CEP85L: variants seen among roughly 807,000 people sequenced by gnomAD.
CEP85L encodes the protein centrosomal protein 85L.
In CEP85L, 60 loss-of-function variants were observed where a neutral mutation model predicts 100.3. The observed-to-expected ratio is 0.60, with a 90% CI of 0.49 to 0.74. The LOEUF (loss-of-function observed/expected upper bound fraction) is 0.74. Ranked by LOEUF, CEP85L falls within the 30% of genes least tolerant of loss-of-function variation. The probability of loss-of-function intolerance (pLI) is 0.00; values close to 1 mark genes in which losing one functional copy is unlikely to be tolerated. For synonymous variants in CEP85L, 319 were observed against 322.7 expected (o/e 0.99, Z 0.12); for missense variants, 973 against 936.2 (o/e 1.04, Z -0.51).
intron 3 of CEP85L, among the ~76,000 whole-genome samples, chr6:118,564,381 G>C (rs1415571262): frequency 6.6e-6 from 1 of 152,110 alleles, no homozygotes; most frequent in Non-Finnish European, 1.5e-5. Context: ...ACTAAAACTT[G>C]ACAGTATTTG....
In CEP85L at chr6:118,463,888, T is replaced by A. The variant is rs1236268639; in HGVS notation, c.*1517A>T. The A allele has an allele frequency of 1.3e-5, 2 of 152,202 alleles. No homozygotes were observed. The highest frequency in any genetic ancestry group is 4.8e-5 in the African/African-American group (2 of 41,474). The allele number at this position is 152,202 out of a possible 1,614,324, so 9.4% of individuals were successfully genotyped here. ...AAGGCCTTGTCTCACATTTTCACTT[T>A]TAAATATTTAAGAAAAATCTTTCCT... On this transcript the variant is annotated 3_prime_UTR_variant, in exon 13 of 13. Transcript: ENST00000368491.
chr6:118,597,618 A>G (rs975728561), intron 2 of CEP85L, among the ~76,000 whole-genome samples: 2 of 152,242 alleles, frequency 1.3e-5, no homozygotes, highest in Admixed American at 1.3e-4. Flanking sequence ...CTGCTAACTA[A>G]ATTAGTTTTA....
At chr6:118,481,655 G>A (rs1165669583) in intron 8 of CEP85L, 124 bp downstream of exon 8, 3 of 535,394 alleles carry the variant, frequency 5.6e-6, no homozygotes, top group South Asian at 7.3e-5. Flanking sequence ...GATAAGGGAT[G>A]AGCATCCTGT....
chr6:118,589,363 G>C (rs1419216774), intron 2 of CEP85L: 1 of 244,486 alleles, frequency 4.1e-6, no homozygotes, highest in Non-Finnish European at 9.1e-6. Context: ...AATATCCTCA[G>C]ATGGCTTTCG....
intron 3 of CEP85L, among the ~76,000 whole-genome samples, chr6:118,542,567 G>A (rs552182410): frequency 3.0e-4 from 44 of 147,300 alleles, no homozygotes; most frequent in Middle Eastern, 3.5e-3. Flanking sequence ...ATTTATTTAC[G>A]AGAAAACTAC....
intron 2 of CEP85L, among the ~76,000 whole-genome samples, chr6:118,611,054 TA>T (rs1221045285): frequency 6.6e-6 from 1 of 151,582 alleles, no homozygotes; most frequent in African/African-American, 2.4e-5. Flanking sequence ...AAGGAAGCAA[TA>T]AAAAAAGAAA....
At chr6:118,501,835 C>A in intron 5 of CEP85L, 2 of 1,289,056 alleles carry the variant, frequency 1.6e-6, no homozygotes, top group South Asian at 1.2e-5. Context: ...AGAGAGAGGA[C>A]TCTGGAGATG....
At chr6:118,707,623 A>T (rs1191322282) in intron 1 of CEP85L, among the ~76,000 whole-genome samples, 2 of 152,170 alleles carry the variant, frequency 1.3e-5, no homozygotes, top group Non-Finnish European at 2.9e-5. Flanking sequence ...ATGCTTATGC[A>T]TTTATTTTTG....
At chr6:118,690,657 A>G (rs1160587720) in intron 1 of CEP85L, among the ~76,000 whole-genome samples, 1 of 152,218 alleles carries the variant, frequency 6.6e-6, no homozygotes, top group African/African-American at 2.4e-5. Context: ...GCTGGTGGCC[A>G]TTTTTGCCAA....
intron 2 of CEP85L, among the ~76,000 whole-genome samples, chr6:118,582,036 T>C (rs772895875): frequency 1.3e-5 from 2 of 152,174 alleles, no homozygotes; most frequent in Non-Finnish European, 2.9e-5. Context: ...GACCCAGTTC[T>C]TTTAGCGGCC....
intron 3 of CEP85L, among the ~76,000 whole-genome samples, chr6:118,555,425 C>CAAAA (rs200889385): frequency 3.9e-4 from 45 of 116,360 alleles, no homozygotes; most frequent in Non-Finnish European, 5.5e-4. Context: ...AAGACTGTCT[C>CAAAA]AAAAAAAAAA....
chr6:118,558,861 G>C (rs186238926), intron 3 of CEP85L: 50 of 1,285,366 alleles, frequency 3.9e-5, no homozygotes, highest in Admixed American at 3.8e-4. Context: ...ATATTTGGCT[G>C]CCAGCTTTTT....
intron 1 of CEP85L, among the ~76,000 whole-genome samples, chr6:118,679,408 T>TTATA (rs1251313626): frequency 6.6e-6 from 1 of 152,072 alleles, no homozygotes; most frequent in Admixed American, 6.5e-5. Context: ...AGGAAAGGAG[T>TTATA]TATATGGGAG....
intron 1 of CEP85L, among the ~76,000 whole-genome samples, chr6:118,704,858 C>G (rs1777544823): frequency 6.6e-6 from 1 of 152,180 alleles, no homozygotes; most frequent in African/African-American, 2.4e-5. Flanking sequence ...CAGATGTTTT[C>G]TTACCCTTCT....
At chr6:118,705,595 G>T (rs1028717736) in intron 1 of CEP85L, among the ~76,000 whole-genome samples, 1 of 152,208 alleles carries the variant, frequency 6.6e-6, no homozygotes, top group Non-Finnish European at 1.5e-5. Context: ...CATGGTAAGT[G>T]TGATTTGCAC....
intron 6 of CEP85L, among the ~76,000 whole-genome samples, chr6:118,489,603 C>A (rs892651375): frequency 6.6e-6 from 1 of 152,014 alleles, no homozygotes; most frequent in Non-Finnish European, 1.5e-5. Flanking sequence ...CCATCTCGTG[C>A]CTGTTAGGCT....
At chr6:118,670,957 T>TAAAA (rs66483063) in intron 1 of CEP85L, among the ~76,000 whole-genome samples, 2 of 144,830 alleles carry the variant, frequency 1.4e-5, no homozygotes. Flanking sequence ...CTTTTTTATG[T>TAAAA]AAAAAAAAAA....
rs544544123 is a variant in CEP85L at position 118,509,995 on chromosome 6, C to T, written c.1257+1303G>A. 1.2e-3 allele frequency among the ~76,000 whole-genome samples: 176 copies of T among 152,120 alleles called. 1 individual carries two copies. The highest frequency in any genetic ancestry group is 3.8e-3 in the African/African-American group (157 of 41,544). ...GGCAAAATTAACCTCATTTACATTT[C>T]TATTCATATGGCGTAGACACTGTCT... On this transcript the variant is annotated intron_variant, in intron 5 of 12. Transcript: ENST00000368491.
intron 2 of CEP85L, among the ~76,000 whole-genome samples, chr6:118,588,083 A>C (rs988099456): frequency 5.3e-5 from 8 of 152,238 alleles, no homozygotes; most frequent in Non-Finnish European, 1.0e-4. Flanking sequence ...TGACAGCATC[A>C]TCTGGGGACA....
Sources: allele counts gnomAD v4.1 joint callset (sites outside exome capture counted in the v4.1 genomes callset), GRCh38; gene constraint gnomAD v4.1.1; transcripts MANE v1.5; gene names NCBI Gene and HGNC (gene_info 2026-07-23, HGNC 2026-07-21).